Variants in WBP1L observed in about 807,000 individuals in gnomAD.
WBP1L encodes the protein WW domain binding protein 1-like.
Under a neutral mutation model 33.7 loss-of-function variants are expected in WBP1L, and 17 were observed. The observed-to-expected ratio is 0.50, with a 90% CI of 0.34 to 0.76. WBP1L has a LOEUF of 0.76. Among genes scored for constraint, WBP1L ranks in the 30% least tolerant of loss-of-function variants. The pLI is 0.01. For missense variants in WBP1L, 389 were observed against 469.4 expected, an observed-to-expected ratio of 0.83 and a Z score of 1.58; for synonymous variants, 173 against 190.8, an observed-to-expected ratio of 0.91 and a Z score of 0.77.
At chr10:102,770,702 ACC>A (rs1250479182) in intron 1 of WBP1L, among the ~76,000 whole-genome samples, 1 of 152,098 alleles carries the variant, frequency 6.6e-6, no homozygotes, top group Non-Finnish European at 1.5e-5. Context: ...GGTCAGAAGG[ACC>A]CTAGGACCCT....
intron 2 of WBP1L, among the ~76,000 whole-genome samples, chr10:102,805,632 C>T (rs957964671): frequency 6.6e-6 from 1 of 152,124 alleles, no homozygotes; most frequent in African/African-American, 2.4e-5. Context: ...GTATTTCACA[C>T]CTGTAATCCC....
intron 2 of WBP1L, among the ~76,000 whole-genome samples, chr10:102,807,295 T>TAGAGGTAAGCAA (rs59504952): frequency 0.52 from 78,583 of 151,754 alleles, 21,340 homozygotes; most frequent in Middle Eastern, 0.62. Flanking sequence ...AATTAGGAAA[T>TAGAGGTAAGCAA]AGAACAAAGG....
At chr10:102,769,099 C>T (rs1391343234) in intron 1 of WBP1L, among the ~76,000 whole-genome samples, 1 of 152,230 alleles carries the variant, frequency 6.6e-6, no homozygotes, top group Non-Finnish European at 1.5e-5. Context: ...ATCCTCCTGC[C>T]TCAGCCTACT....
At chr10:102,803,038 A>G (rs1843680563) in intron 2 of WBP1L, among the ~76,000 whole-genome samples, 1 of 152,224 alleles carries the variant, frequency 6.6e-6, no homozygotes, top group Non-Finnish European at 1.5e-5. Context: ...GTAAAACCAA[A>G]ATGACCAAGG....
In WBP1L at chr10:102,800,655, G is replaced by A. The variant is rs558041745; in HGVS notation, c.193+2560G>A. Reference sequence around the variant, plus strand: ...GGCATGGGAGACATAAAAGCAAAACGCCCTTCTCAGGAAGTCCTCCGATCT... The same window carrying A: ...GGCATGGGAGACATAAAAGCAAAACACCCTTCTCAGGAAGTCCTCCGATCT... On this transcript the variant is annotated intron_variant, in intron 2 of 3. Transcript: ENST00000448841. Among the ~76,000 whole-genome samples, 7 of 152,134 alleles carry A rather than the reference G, an allele frequency of 4.6e-5. No homozygotes were observed. The East Asian group carries it at 7.7e-4, about 17-fold the overall frequency.
chr10:102,795,319 T>A (rs1037159483), intron 1 of WBP1L, among the ~76,000 whole-genome samples: 7 of 152,236 alleles, frequency 4.6e-5, no homozygotes, highest in African/African-American at 1.7e-4. Flanking sequence ...ATATTTTCAA[T>A]TTATGATGGG....
chr10:102,800,379 T>G (rs1843638943), intron 2 of WBP1L, among the ~76,000 whole-genome samples: 1 of 137,414 alleles, frequency 7.3e-6, no homozygotes, highest in African/African-American at 2.6e-5. Context: ...CCACCTGAAT[T>G]GGGTCACCAA....
intron 1 of WBP1L, among the ~76,000 whole-genome samples, chr10:102,794,297 G>A (rs968470927): frequency 1.3e-5 from 2 of 152,194 alleles, no homozygotes; most frequent in African/African-American, 4.8e-5. Context: ...GAAAGGGGAT[G>A]GGGAGGATAA....
chr10:102,749,104 T>TAG (rs1842898253), intron 1 of WBP1L, among the ~76,000 whole-genome samples: 1 of 152,184 alleles, frequency 6.6e-6, no homozygotes, highest in African/African-American at 2.4e-5. Flanking sequence ...CACCATCCAG[T>TAG]AGAACCTTCT....
At chr10:102,804,473 G>A (rs1182592976) in intron 2 of WBP1L, among the ~76,000 whole-genome samples, 7 of 150,110 alleles carry the variant, frequency 4.7e-5, no homozygotes, top group African/African-American at 1.7e-4. Flanking sequence ...CTGGATCAAG[G>A]ATTCCTTTAA....
chr10:102,788,135 C>CT lies in WBP1L; in HGVS notation c.91-9845dup, dbSNP rs1232492409. ...AACGTGATCTTAACTTTCTTTCTTT[C>CT]TTTTTTTTTTTTTGAGACAGTCTCA... On this transcript the variant is annotated intron_variant, in intron 1 of 3. Coordinates refer to ENST00000448841, the MANE Select transcript of WBP1L (RefSeq NM_001083913.2). Among the ~76,000 whole-genome samples the CT allele has an allele frequency of 3.2e-3, 427 of 133,278 alleles. 1 individual carries two copies. Among genetic ancestry groups the CT allele is most frequent in the African/African-American group, 7.0e-3 (259 of 36,744 alleles). 87.4% of individuals were successfully genotyped at this position (133,278 alleles called of 152,430 possible).
chr10:102,757,113 C>T (rs1842986025), intron 1 of WBP1L, among the ~76,000 whole-genome samples: 1 of 152,122 alleles, frequency 6.6e-6, no homozygotes, highest in African/African-American at 2.4e-5. Flanking sequence ...TGGTCTCAAA[C>T]TCCTGTCCTC....
chr10:102,774,388 A>G (rs1027180690), intron 1 of WBP1L, among the ~76,000 whole-genome samples: 31 of 152,210 alleles, frequency 2.0e-4, no homozygotes, highest in Admixed American at 2.0e-3. Context: ...CGGCAGCAGC[A>G]GGAGCCACTT....
At chr10:102,744,858 T>G (rs948067877) in intron 1 of WBP1L, among the ~76,000 whole-genome samples, 1 of 152,210 alleles carries the variant, frequency 6.6e-6, no homozygotes, top group African/African-American at 2.4e-5. Flanking sequence ...GTGGTTCTGA[T>G]GCCAATATGG....
intron 2 of WBP1L, among the ~76,000 whole-genome samples, chr10:102,804,822 A>G (rs1843708543): frequency 6.6e-6 from 1 of 152,236 alleles, no homozygotes; most frequent in South Asian, 2.1e-4. Context: ...TCAATTCATT[A>G]GTTAGACTTA....
At chr10:102,791,318 T>C (rs553584277) in intron 1 of WBP1L, among the ~76,000 whole-genome samples, 46 of 152,204 alleles carry the variant, frequency 3.0e-4, no homozygotes, top group Admixed American at 6.5e-4. Flanking sequence ...CAGGGTTTTA[T>C]AGCAGAATAA....
chr10:102,791,768 A>T (rs1843501728), intron 1 of WBP1L, among the ~76,000 whole-genome samples: 1 of 152,212 alleles, frequency 6.6e-6, no homozygotes, highest in Admixed American at 6.5e-5. Flanking sequence ...TTCAATTCTT[A>T]TTTTTCACTC....
chr10:102,798,162 A>G lies in WBP1L; in HGVS notation c.193+67A>G, dbSNP rs1843600384. On this transcript the variant is annotated intron_variant, in intron 2 of 3. Coordinates refer to ENST00000448841, the MANE Select transcript of WBP1L (RefSeq NM_001083913.2). ...AGTTACTGCCTCTGCTTAGTGGGAAACTCTGGGCATTAGCCCTTTTCGGAT... is the reference window on the plus strand; with the variant it reads ...AGTTACTGCCTCTGCTTAGTGGGAAGCTCTGGGCATTAGCCCTTTTCGGAT... The G allele has an allele frequency of 1.4e-5, 19 of 1,392,134 alleles. No individual in the cohort carries two copies. In the South Asian group the frequency reaches 1.9e-4, roughly 14 times the overall value. 86.2% of individuals were successfully genotyped at this position (1,392,134 alleles called of 1,614,324 possible).
intron 1 of WBP1L, among the ~76,000 whole-genome samples, chr10:102,767,130 C>T (rs1843121813): frequency 6.6e-6 from 1 of 152,214 alleles, no homozygotes; most frequent in South Asian, 2.1e-4. Flanking sequence ...AGTTGCAGAT[C>T]CAGTGAGAGC....
Sources: gnomAD v4.1 joint callset for allele counts (sites outside exome capture counted in the v4.1 genomes callset) on GRCh38, gnomAD v4.1.1 for gene constraint, MANE v1.5 for transcripts, NCBI Gene and HGNC (gene_info 2026-07-23, HGNC 2026-07-21) for gene names.